The following PLXNB3 variants were observed in gnomAD, a reference collection of about 807,000 sequenced individuals.
PLXNB3 encodes plexin-B3.
PLXNB3 carries 80 observed loss-of-function variants against 125.7 expected under a neutral mutation model. The ratio of observed to expected loss-of-function variants is 0.64; its 90% CI spans 0.53 to 0.77. PLXNB3 has a LOEUF of 0.77. Ranked by LOEUF, PLXNB3 falls within the 30% of genes least tolerant of loss-of-function variation. The pLI, the probability that PLXNB3 is intolerant of heterozygous loss-of-function variation, is 0.00. For synonymous variants in PLXNB3, 954 were observed against 783.3 expected (o/e 1.22, Z -3.64); for missense variants, 1,836 against 1,729.3 (o/e 1.06, Z -1.09).
intron 19 of PLXNB3, 53 bp from the exon 20 acceptor site, chrX:153,773,806 G>A (rs1165820457): frequency 5.8e-6 from 7 of 1,204,863 alleles, no homozygotes; most frequent in African/African-American, 1.7e-5. Context: ...CCCTAGCAGC[G>A]CACAGCAGAG....
At position 153,776,418 on chromosome X, in the gene PLXNB3, C is replaced by A; in HGVS notation, c.4792C>A (p.Gln1598Lys). ...LSDEDLTSVT[Q>K]NHWKRLNTLQ... ...GGACGAAGACTTGACCTCCGTGACCCAAAACCACTGGAAGAGACTCAACAC... is the reference window on the plus strand; with the variant it reads ...GGACGAAGACTTGACCTCCGTGACCAAAAACCACTGGAAGAGACTCAACAC... The change falls in exon 28 of 36, where the codon CAA (glutamine) becomes AAA (lysine). Residue 1598 changes from glutamine (Q) to lysine (K), a missense_variant. Physicochemically the swap from Gln to Lys is moderately conservative, Grantham distance 53 (BLOSUM62 1). Coordinates refer to ENST00000361971, the MANE Select transcript of PLXNB3 (RefSeq NM_005393.3). 1 of 1,174,179 alleles carries A rather than the reference C, an allele frequency of 8.5e-7. No individual in the cohort carries two copies. Among genetic ancestry groups the A allele is most frequent in the Non-Finnish European group, 1.1e-6 (1 of 874,410 alleles).
At chrX:153,769,786 T>C (rs1427182961) in intron 6 of PLXNB3, 21 bp from the exon 7 acceptor site, 3 of 1,199,551 alleles carry the variant, frequency 2.5e-6, no homozygotes, top group South Asian at 1.8e-5. Flanking sequence ...CACGGTGACC[T>C]GATGGACCCC....
rs1557062829 is a variant in PLXNB3 at position 153,773,632 on chromosome X, G to A, written c.3198G>A (p.Gln1066=). The A allele has an allele frequency of 2.5e-6, 3 of 1,201,788 alleles. No individual in the cohort carries two copies. The highest frequency in any genetic ancestry group is 3.4e-6 in the Non-Finnish European group (3 of 891,127). The change falls in exon 19 of 36, where the codon CAG becomes CAA. Residue 1066 remains glutamine (Q), a synonymous_variant. Transcript: ENST00000361971. ...TGCAGGCTTCCAGGGCCCAGCCCCAGGACCCACAGCCAAGGAGGAGCTGTG... is the reference window on the plus strand; with the variant it reads ...TGCAGGCTTCCAGGGCCCAGCCCCAAGACCCACAGCCAAGGAGGAGCTGTG... ...AEVQASRAQP[Q]DPQPRRSCGA...
rs781844442 is a variant in PLXNB3, at chrX:153,769,528, C to T, written c.1496+266C>T. Among the ~76,000 whole-genome samples, 17 of 112,872 alleles carry T rather than the reference C, an allele frequency of 1.5e-4. No individual in the cohort carries two copies. The South Asian group carries it at 4.7e-3, about 31-fold the overall frequency. The stretch of plus-strand genomic sequence containing the variant: ...GAACCCCACACAGCTGTCCTCCAGC[C>T]GGTGCTCCACACGGCAGCCCCTGGA... On this transcript the variant is annotated intron_variant, in intron 6 of 35. Coordinates refer to ENST00000361971, the MANE Select transcript of PLXNB3 (RefSeq NM_005393.3).
rs782477948 is a variant in PLXNB3, at chrX:153,767,028, T to C, written c.201T>C (p.Tyr67=). ...TGGCACCTGGCCGAGGCACACTCTA[T>C]GTCGGCGCAGTGAACCGCCTCTTCC... is the stretch of plus-strand genomic sequence containing the variant. The part of the protein sequence containing the change: ...LALAPGRGTL[Y]VGAVNRLFQL... Residue 67 remains tyrosine, a synonymous_variant, in exon 3 of 36, where the codon TAT becomes TAC. Coordinates refer to ENST00000361971, the MANE Select transcript of PLXNB3 (RefSeq NM_005393.3). The C allele has an allele frequency of 1.2e-5, 15 of 1,209,607 alleles. No individual in the cohort carries two copies. Among genetic ancestry groups the C allele is most frequent in the Non-Finnish European group, 1.6e-5 (14 of 895,237 alleles).
intron 4 of PLXNB3, 91 bp from the exon 5 acceptor site, chrX:153,768,857 A>G (rs1603242925): frequency 9.5e-7 from 1 of 1,054,812 alleles, no homozygotes; most frequent in Non-Finnish European, 1.3e-6. Context: ...AACTGGCTCT[A>G]AAAAGGAGCC....
intron 10 of PLXNB3, 32 bp from the exon 11 acceptor site, chrX:153,770,726 T>C: frequency 8.3e-7 from 1 of 1,204,702 alleles, no homozygotes; most frequent in African/African-American, 1.7e-5. Flanking sequence ...GCCCTTTGAG[T>C]TCTGAAGGGC....
chrX:153,774,645 G>A, intron 22 of PLXNB3, 61 bp from the exon 23 acceptor site: 1 of 1,151,839 alleles, frequency 8.7e-7, no homozygotes, highest in South Asian at 2.1e-5. Flanking sequence ...GGCTGGCCTG[G>A]CCCCGGCCCT....
Position 153,776,024 on chromosome X carries a change from C to G in PLXNB3, c.4539C>G (p.Phe1513Leu). 1 of 1,205,714 alleles carries G rather than the reference C, an allele frequency of 8.3e-7. No homozygotes were observed. Among genetic ancestry groups the G allele is most frequent in the East Asian group, 3.0e-5 (1 of 33,529 alleles). ...GCTTGCTGCGGGAGGACGTGGAGTT[C>G]CAGCCCCTGACGCTGATGGTGCTGG... is the stretch of plus-strand genomic sequence containing the variant. The part of the protein sequence containing the change: ...DSRLLREDVE[F>L]QPLTLMVLVG... Residue 1513 changes from phenylalanine (F) to leucine (L), a missense_variant, in exon 27 of 36, where the codon TTC becomes TTG. Coordinates refer to ENST00000361971, the MANE Select transcript of PLXNB3 (RefSeq NM_005393.3).
In PLXNB3 at chrX:153,769,112, C is replaced by T. The variant is rs368468236; in HGVS notation, c.1395+36C>T. On this transcript the variant is annotated intron_variant, in intron 5 of 35. Coordinates refer to ENST00000361971, the MANE Select transcript of PLXNB3 (RefSeq NM_005393.3). Reference sequence around the variant, plus strand: ...TCCTGGGGCTGAAGGGGCCAGCACACGCGGCCCAAGTCTCGTGCCCATTGC... The same window carrying T: ...TCCTGGGGCTGAAGGGGCCAGCACATGCGGCCCAAGTCTCGTGCCCATTGC... The T allele has an allele frequency of 7.0e-4, 838 of 1,200,636 alleles. 1 individual carries two copies. The highest frequency in any genetic ancestry group is 3.9e-3 in the Middle Eastern group (17 of 4,311).
rs181071909 is a variant in PLXNB3 at position 153,773,535 on chromosome X, G to A, written c.3101G>A (p.Arg1034His). 123 of 1,199,308 alleles carry A rather than the reference G, an allele frequency of 1.0e-4. 1 individual carries two copies. The highest frequency in any genetic ancestry group is 3.1e-4 in the Admixed American group (14 of 44,941). Residue 1034 changes from arginine to histidine, a missense_variant, in exon 19 of 36, where the codon CGT becomes CAT. Physicochemically the swap from Arg to His is conservative, Grantham distance 29. Coordinates refer to ENST00000361971, the MANE Select transcript of PLXNB3 (RefSeq NM_005393.3). ...ASFRGGGRLI[R>H]VRGTGLDVVQ... is the part of the protein sequence containing the mutation. ...TGGTACAGGGGTGGGCGACTGATCC[G>A]TGTCAGGGGCACCGGCCTAGACGTG... is the stretch of plus-strand genomic sequence containing the variant.
intron 34 of PLXNB3, 32 bp downstream of exon 34, chrX:153,778,503 A>ACAC (rs1557065357): frequency 1.7e-6 from 2 of 1,198,223 alleles, no homozygotes; most frequent in East Asian, 5.9e-5. Context: ...GCGCCTGTCC[A>ACAC]CACGTGGGTG....
chrX:153,770,906 G>A (rs781836831), intron 11 of PLXNB3, 23 bp downstream of exon 11: 1 of 1,204,865 alleles, frequency 8.3e-7, no homozygotes, highest in East Asian at 3.0e-5. Flanking sequence ...GAGGGAAGGG[G>A]ACAGGGCAGT....
In PLXNB3 at chrX:153,774,536, G is replaced by T; in HGVS notation, c.3795G>T (p.Leu1265=). The T allele has an allele frequency of 8.3e-7, 1 of 1,207,855 alleles. No individual in the cohort carries two copies. Among genetic ancestry groups the T allele is most frequent in the African/African-American group, 1.7e-5 (1 of 57,980 alleles). Residue 1265 remains leucine, a synonymous_variant, in exon 22 of 36, where the codon CTG becomes CTT. Coordinates refer to ENST00000361971, the MANE Select transcript of PLXNB3 (RefSeq NM_005393.3). ...GCGTGGGCATGGGTGCTGCAGTGCT[G>T]ATTGCCGCCGTGCTCCTCCTCACCC... ...QAGVGMGAAV[L]IAAVLLLTLM...
chrX:153,765,916 C>T (rs1266122737), intron 2 of PLXNB3: 2 of 752,714 alleles, frequency 2.7e-6, no homozygotes, highest in African/African-American at 4.6e-5. Context: ...CTCGGGGGCT[C>T]ACCCCGGGGT....
chrX:153,778,270 G>A lies in PLXNB3; in HGVS notation c.5419G>A (p.Val1807Met). 1.7e-6 allele frequency: 2 copies of A among 1,198,543 alleles called. No homozygotes were observed. The highest frequency in any genetic ancestry group is 2.3e-6 in the Non-Finnish European group (2 of 886,966). The change falls in exon 33 of 36, where the codon GTG becomes ATG. Residue 1807 changes from valine (V) to methionine (M), a missense_variant. Physicochemically the swap from Val to Met is conservative, Grantham distance 21. Transcript: ENST00000361971. ...CCTCCCTCCGGAGCAGGATTCCCCAGTGAACAAACTGCTCTACGCCCGGGA... is the reference window on the plus strand; with the variant it reads ...CCTCCCTCCGGAGCAGGATTCCCCAATGAACAAACTGCTCTACGCCCGGGA... ...SEHKVGRDSP[V>M]NKLLYAREIP...
rs370208278 is a variant in PLXNB3 at position 153,775,302 on chromosome X, G to A, written c.4233G>A (p.Ala1411=). ...RCHVASLLSL[A]LHGKLEYLTD... is the part of the protein sequence containing the mutation. ...ATGTGGCTTCGCTGCTGTCGCTAGC[G>A]CTACACGGCAAGCTGGAGTACCTGA... is the stretch of plus-strand genomic sequence containing the variant. Residue 1411 remains alanine (A), a synonymous_variant, in exon 25 of 36, where the codon GCG becomes GCA. Transcript: ENST00000361971. 32 of 1,208,744 alleles carry A rather than the reference G, an allele frequency of 2.6e-5. No individual in the cohort carries two copies. The East Asian group carries it at 4.7e-4, about 18-fold the overall frequency.
Position 153,777,381 on chromosome X carries a change from G to GT in PLXNB3, c.5100+3dup, listed in dbSNP as rs2092008972. 8.4e-7 allele frequency: 1 copy of GT among 1,193,457 alleles called. No homozygotes were observed. Among genetic ancestry groups the GT allele is most frequent in the African/African-American group, 1.7e-5 (1 of 57,312 alleles). ...CCTCACCCGTCTGCTGTCCATGAAG[G>GT]TTGGTGCGGCCTGGGTGGCTGGGCC... On this transcript the variant is annotated splice_donor_variant, in intron 30 of 35. Transcript: ENST00000361971. LOFTEE classifies it high-confidence loss of function.
intron 3 of PLXNB3, 76 bp downstream of exon 3, chrX:153,767,989 C>A: frequency 9.9e-7 from 1 of 1,012,867 alleles, no homozygotes; most frequent in East Asian, 3.5e-5. Flanking sequence ...GGTGCCTGCC[C>A]ATGGGAAGTG....
Sources: gnomAD v4.1 joint callset for allele counts (sites outside exome capture counted in the v4.1 genomes callset) on GRCh38, gnomAD v4.1.1 for gene constraint, MANE v1.5 for transcripts, NCBI Gene and HGNC (gene_info 2026-07-23, HGNC 2026-07-21) for gene names.